The following NCKAP1 variants were observed in gnomAD, a reference collection of about 807,000 sequenced individuals.
The protein encoded by NCKAP1 is nck-associated protein 1.
Under a neutral mutation model 151.2 loss-of-function variants are expected in NCKAP1, and 21 were observed. That is an observed-to-expected ratio of 0.14 (90% CI 0.10 to 0.20). The LOEUF (loss-of-function observed/expected upper bound fraction) is 0.20. Ranked by LOEUF, NCKAP1 falls within the 10% of genes least tolerant of loss-of-function variation. The pLI is 1.00. For synonymous variants in NCKAP1, 484 were observed against 451.8 expected, an observed-to-expected ratio of 1.07 and a Z score of -0.90; for missense variants, 933 against 1,352.1, an observed-to-expected ratio of 0.69 and a Z score of 4.86.
At chr2:183,024,582 T>C (rs950860893) in intron 1 of NCKAP1, among the ~76,000 whole-genome samples, 2 of 152,188 alleles carry the variant, frequency 1.3e-5, no homozygotes, top group African/African-American at 4.8e-5. Flanking sequence ...CAGCATTCTC[T>C]GCAGTAAACT....
chr2:182,994,908 AT>A, intron 7 of NCKAP1, 21 bp from the exon 8 acceptor site: 2 of 1,573,906 alleles, frequency 1.3e-6, no homozygotes, highest in Non-Finnish European at 1.7e-6. Context: ...GAATATATAC[AT>A]TTGCAGTTAA....
chr2:182,978,778 T>G, intron 14 of NCKAP1, 56 bp downstream of exon 14: 1 of 1,046,208 alleles, frequency 9.6e-7, no homozygotes, highest in Non-Finnish European at 1.4e-6. Flanking sequence ...TCCTTAATAA[T>G]CAAGTTTGAA....
At chr2:182,980,692 T>C (rs926715126) in intron 13 of NCKAP1, among the ~76,000 whole-genome samples, 6 of 152,198 alleles carry the variant, frequency 3.9e-5, no homozygotes, top group Non-Finnish European at 8.8e-5. Context: ...TTACTGGCCA[T>C]CCTCTAACAA....
At chr2:182,928,940 C>A in intron 27 of NCKAP1, 41 bp from the exon 28 acceptor site, 1 of 1,300,386 alleles carries the variant, frequency 7.7e-7, no homozygotes, top group East Asian at 2.4e-5. Flanking sequence ...GGTATTTCTT[C>A]AAGATTAGTT....
chr2:182,975,299 G>A (rs1359412127), intron 15 of NCKAP1, among the ~76,000 whole-genome samples: 4 of 152,072 alleles, frequency 2.6e-5, no homozygotes, highest in Non-Finnish European at 5.9e-5. Flanking sequence ...TATTTCAAGT[G>A]TACTTCCCTG....
At chr2:183,003,562 T>C (rs1360362809) in intron 2 of NCKAP1, among the ~76,000 whole-genome samples, 2 of 152,008 alleles carry the variant, frequency 1.3e-5, no homozygotes, top group Non-Finnish European at 2.9e-5. Flanking sequence ...ATTGCGCTAC[T>C]ATTAAGGAAA....
At chr2:183,003,713 A>G (rs1267827605) in intron 2 of NCKAP1, among the ~76,000 whole-genome samples, 3 of 152,182 alleles carry the variant, frequency 2.0e-5, no homozygotes, top group Non-Finnish European at 4.4e-5. Context: ...ACAATATGCT[A>G]TATAAATTTG....
chr2:183,025,769 C>T (rs1422494592), intron 1 of NCKAP1, among the ~76,000 whole-genome samples: 2 of 152,076 alleles, frequency 1.3e-5, no homozygotes, highest in Non-Finnish European at 2.9e-5. Context: ...TTTGCCCAAA[C>T]ACAAATAGCT....
chr2:182,928,310 G>T, intron 28 of NCKAP1, 84 bp from the exon 29 acceptor site: 1 of 895,232 alleles, frequency 1.1e-6, no homozygotes, highest in Middle Eastern at 2.2e-4. Context: ...TTCACAATCT[G>T]CATAAATAGG....
At chr2:183,023,176 A>C (rs1283283831) in intron 2 of NCKAP1, among the ~76,000 whole-genome samples, 3 of 152,154 alleles carry the variant, frequency 2.0e-5, no homozygotes, top group African/African-American at 7.2e-5. Context: ...GCAAAAAATA[A>C]CTCTAATTTC....
chr2:183,028,955 T>TATA (rs1207301595), intron 1 of NCKAP1, among the ~76,000 whole-genome samples: 2 of 13,456 alleles, frequency 1.5e-4, no homozygotes, highest in Non-Finnish European at 3.3e-4. Context: ...CTACTAAAAA[T>TATA]ACAAAAAAAA....
chr2:183,004,796 A>ACTAG (rs1209946235), intron 2 of NCKAP1, among the ~76,000 whole-genome samples: 1 of 151,654 alleles, frequency 6.6e-6, no homozygotes, highest in East Asian at 1.9e-4. Flanking sequence ...AGACAGGAGA[A>ACTAG]TCGCTTGAAC....
At chr2:182,953,013 C>A in intron 21 of NCKAP1, 90 bp from the exon 22 acceptor site, 1 of 1,483,152 alleles carries the variant, frequency 6.7e-7, no homozygotes, top group Non-Finnish European at 9.1e-7. Context: ...TTTAAGTTGA[C>A]TGATAATATG....
rs1249597061 is a variant in NCKAP1 at position 182,925,743 on chromosome 2, A to T, written c.3346T>A (p.Tyr1116Asn). 6.3e-7 allele frequency: 1 copy of T among 1,590,678 alleles called. No homozygotes were observed. Among genetic ancestry groups the T allele is most frequent in the Non-Finnish European group, 8.6e-7 (1 of 1,169,508 alleles). Reference protein sequence around the residue: ...CFPYVLLRNAYHAVYKQSVTS... With the variant: ...CFPYVLLRNANHAVYKQSVTS... ...ACACTTTGTTTGTAGACAGCATGGT[A>T]TGCATTTCTCAGCAAGACATAAGGA... The change falls in exon 31 of 31, where the codon TAC becomes AAC. Residue 1116 changes from tyrosine to asparagine, a missense_variant. Coordinates refer to ENST00000361354, the MANE Select transcript of NCKAP1 (RefSeq NM_013436.5).
intron 15 of NCKAP1, 143 bp downstream of exon 15, chr2:182,976,750 G>T: frequency 2.4e-6 from 1 of 410,172 alleles, no homozygotes. Context: ...TTAATAATTA[G>T]TACAAAATGT....
At chr2:182,957,299 CAACT>C in intron 19 of NCKAP1, 154 bp downstream of exon 19, 1 of 729,024 alleles carries the variant, frequency 1.4e-6, no homozygotes, top group Non-Finnish European at 2.0e-6. Context: ...ATGAAATAAG[CAACT>C]AACAGGTTAA....
At chr2:182,954,521 A>T (rs115059328) in intron 20 of NCKAP1, among the ~76,000 whole-genome samples, 248 of 152,330 alleles carry the variant, frequency 1.6e-3, no homozygotes, top group African/African-American at 5.4e-3. Flanking sequence ...CCTAGTGTAT[A>T]ATCCCTAAGT....
rs4444483 is a variant in NCKAP1, at chr2:182,910,950, T to A, written c.*14752A>T. 1,016 of 130,372 alleles carry A rather than the reference T, an allele frequency of 7.8e-3. 42 individuals are homozygous for A. The highest frequency in any genetic ancestry group is 0.019 in the Middle Eastern group (4 of 216). The allele number at this position is 130,372 out of a possible 1,614,324, so 8.1% of individuals were successfully genotyped here. On this transcript the variant is annotated 3_prime_UTR_variant, in exon 31 of 31. Transcript: ENST00000361354. ...TGGAAATAAAAATAAAATCCTAAGCTCCCCCCCCACATTTGACTAAACAGA... is the reference window on the plus strand; with the variant it reads ...TGGAAATAAAAATAAAATCCTAAGCACCCCCCCCACATTTGACTAAACAGA...
Position 182,919,828 on chromosome 2 carries a change from T to G in NCKAP1, c.*5874A>C, listed in dbSNP as rs1307921594. ...CACAAAGCCCAGCTAATTTTTGTAT[T>G]TTTAGTAGAGACAGGGTTTCACCAT... On this transcript the variant is annotated 3_prime_UTR_variant, in exon 31 of 31. Transcript: ENST00000361354. 6.6e-6 allele frequency: 1 copy of G among 152,152 alleles called. No individual in the cohort carries two copies. Among genetic ancestry groups the G allele is most frequent in the Non-Finnish European group, 1.5e-5 (1 of 68,114 alleles). 9.4% of individuals were successfully genotyped at this position (152,152 alleles called of 1,614,324 possible).
Sources: gnomAD v4.1 joint callset for allele counts (sites outside exome capture counted in the v4.1 genomes callset) on GRCh38, gnomAD v4.1.1 for gene constraint, MANE v1.5 for transcripts, NCBI Gene and HGNC (gene_info 2026-07-23, HGNC 2026-07-21) for gene names.